The following INTS6 variants were observed in gnomAD, a reference collection of about 807,000 sequenced individuals.
INTS6 encodes the protein DEAD box protein.
Under a neutral mutation model 104.9 loss-of-function variants are expected in INTS6, and 16 were observed. The ratio of observed to expected loss-of-function variants is 0.15; its 90% CI spans 0.10 to 0.23. The LOEUF is 0.23. Among genes scored for constraint, INTS6 ranks in the 10% least tolerant of loss-of-function variants. The pLI, the probability that INTS6 is intolerant of heterozygous loss-of-function variation, is 1.00. For missense variants in INTS6, 584 were observed against 1,062.8 expected, an observed-to-expected ratio of 0.55 and a Z score of 6.26; for synonymous variants, 324 against 358.7, an observed-to-expected ratio of 0.90 and a Z score of 1.09.
intron 3 of INTS6, chr13:51,444,087 T>C (rs1156440159): frequency 6.6e-6 from 1 of 151,862 alleles, no homozygotes; most frequent in Non-Finnish European, 1.5e-5. Flanking sequence ...TTTGTTTTTG[T>C]TTTGTTTTGT....
Position 51,389,332 on chromosome 13 carries a change from A to G in INTS6, c.726T>C (p.Pro242=). The G allele has an allele frequency of 6.2e-7, 1 of 1,613,258 alleles. No individual in the cohort carries two copies. Among genetic ancestry groups the G allele is most frequent in the Non-Finnish European group, 8.5e-7 (1 of 1,179,642 alleles). ...GTGCAATAATACCTTCTACAGGGGA[A>G]GGATCTGGTCCTGCTTTTTCAAAGT... ...VINFEKAGPD[P]SPVEDGQPDI... The change falls in exon 6 of 18, where the codon CCT becomes CCC. Residue 242 remains proline (P), a synonymous_variant. Coordinates refer to ENST00000311234, the MANE Select transcript of INTS6 (RefSeq NM_012141.3).
At chr13:51,369,597 G>A (rs894115834) in intron 15 of INTS6, among the ~76,000 whole-genome samples, 1 of 152,084 alleles carries the variant, frequency 6.6e-6, no homozygotes, top group African/African-American at 2.4e-5. Flanking sequence ...CAATTTTATT[G>A]AAACAAGTAG....
intron 4 of INTS6, chr13:51,423,031 T>A: frequency 7.9e-7 from 1 of 1,269,490 alleles, no homozygotes; most frequent in South Asian, 1.3e-5. Context: ...TTTACTTGCC[T>A]GTCTTCAAAG....
At chr13:51,438,225 T>C (rs1429561429) in intron 3 of INTS6, 4 of 152,164 alleles carry the variant, frequency 2.6e-5, no homozygotes, top group South Asian at 2.1e-4. Context: ...TAGATTCTGA[T>C]TGAAACATTT....
chr13:51,423,835 T>C (rs1042922739), intron 4 of INTS6, among the ~76,000 whole-genome samples: 3 of 152,030 alleles, frequency 2.0e-5, no homozygotes, highest in African/African-American at 7.2e-5. Flanking sequence ...TTCACATGCT[T>C]TTTGTGTAGC....
At chr13:51,338,132 C>T in the INTS6 span, among the ~76,000 whole-genome samples, 1 of 152,246 alleles carries the variant, frequency 6.6e-6, no homozygotes, top group South Asian at 2.1e-4. Context: ...GTAGAAGTTA[C>T]ACAAACAACC....
At chr13:51,389,275 A>G (rs767910891) in intron 6 of INTS6, 44 bp downstream of exon 6, 1 of 1,596,338 alleles carries the variant, frequency 6.3e-7, no homozygotes, top group South Asian at 1.1e-5. Flanking sequence ...TTGAATAAAC[A>G]ATAAAGCAAG....
chr13:51,344,393 G>T, the INTS6 span: 20 of 1,612,488 alleles, frequency 1.2e-5, no homozygotes, highest in African/African-American at 2.7e-4. Flanking sequence ...CACGTCTCCT[G>T]GTGGGCTAAC....
intron 6 of INTS6, 31 bp downstream of exon 6, chr13:51,389,288 T>G (rs550984902): frequency 2.2e-5 from 36 of 1,600,832 alleles, no homozygotes; most frequent in Non-Finnish European, 2.9e-5. Context: ...AAAGCAAGTT[T>G]TGAATGTCTA....
At chr13:51,434,842 TG>T (rs1321432191) in intron 3 of INTS6, among the ~76,000 whole-genome samples, 36 of 152,214 alleles carry the variant, frequency 2.4e-4, no homozygotes, top group Admixed American at 1.4e-3. Flanking sequence ...CTGCCAGTAT[TG>T]TTTTTTGTCA....
intron 4 of INTS6, among the ~76,000 whole-genome samples, chr13:51,397,815 C>CCA (rs138888033): frequency 0.057 from 8,621 of 150,042 alleles, 376 homozygotes; most frequent in African/African-American, 0.12. Flanking sequence ...ACTGCGCGGA[C>CCA]CACACACACA....
At chr13:51,394,918 T>G (rs1956308555) in intron 5 of INTS6, among the ~76,000 whole-genome samples, 1 of 152,214 alleles carries the variant, frequency 6.6e-6, no homozygotes, top group Non-Finnish European at 1.5e-5. Context: ...TGGGAAAAAT[T>G]GCACTTAACC....
intron 5 of INTS6, among the ~76,000 whole-genome samples, 176 bp from the exon 6 acceptor site, chr13:51,389,620 A>T (rs1476811285): frequency 2.0e-5 from 3 of 152,176 alleles, no homozygotes; most frequent in Non-Finnish European, 4.4e-5. Context: ...AATGCACAAA[A>T]ATCATTATTT....
At chr13:51,392,142 C>T (rs1232026758) in intron 5 of INTS6, among the ~76,000 whole-genome samples, 1 of 152,188 alleles carries the variant, frequency 6.6e-6, no homozygotes, top group African/African-American at 2.4e-5. Context: ...TCTTGCCACT[C>T]TATATTCTCA....
At position 51,418,969 on chromosome 13, in the gene INTS6, A is replaced by T. The variant is rs143002858; in HGVS notation, c.429+11325T>A. Among the ~76,000 whole-genome samples the T allele has an allele frequency of 2.3e-3, 357 of 152,296 alleles. 4 individuals are homozygous for T. The highest frequency in any genetic ancestry group is 8.1e-3 in the African/African-American group (336 of 41,570). The stretch of plus-strand genomic sequence containing the variant: ...GTGCCCATTTGCAGTCAGTCTCCCA[A>T]ACACTTCCAGGCAAGCACTAATCAA... On this transcript the variant is annotated intron_variant, in intron 4 of 17. Coordinates refer to ENST00000311234, the MANE Select transcript of INTS6 (RefSeq NM_012141.3).
chr13:51,434,965 A>G (rs963233880), intron 3 of INTS6, among the ~76,000 whole-genome samples: 1 of 152,214 alleles, frequency 6.6e-6, no homozygotes, highest in Non-Finnish European at 1.5e-5. Context: ...ACGCAATTTA[A>G]TAATTCCCAA....
the INTS6 span, chr13:51,346,932 T>A: frequency 1.1e-6 from 1 of 913,408 alleles, no homozygotes; most frequent in Non-Finnish European, 1.7e-6. Flanking sequence ...ATTTTCGCAT[T>A]TTAACTCTGC....
chr13:51,356,796 T>TA (rs1234921130), downstream of INTS6, among the ~76,000 whole-genome samples: 1 of 144,268 alleles, frequency 6.9e-6, no homozygotes, highest in Admixed American at 7.0e-5. Context: ...TTTTTTTTTT[T>TA]AACGCTATTC....
chr13:51,428,874 T>A (rs1957032499), intron 4 of INTS6, among the ~76,000 whole-genome samples: 1 of 152,212 alleles, frequency 6.6e-6, no homozygotes, highest in Non-Finnish European at 1.5e-5. Flanking sequence ...TATTATCAAC[T>A]GTTCAAATAA....
Sources: allele counts gnomAD v4.1 joint callset (sites outside exome capture counted in the v4.1 genomes callset), GRCh38; gene constraint gnomAD v4.1.1; transcripts MANE v1.5; gene names NCBI Gene and HGNC (gene_info 2026-07-23, HGNC 2026-07-21).